MB21D2: variants seen among roughly 807,000 people sequenced by gnomAD.
The protein encoded by MB21D2 is nucleotidyltransferase MB21D2.
Under a neutral mutation model 33.3 loss-of-function variants are expected in MB21D2, and 9 were observed. The ratio of observed to expected loss-of-function variants is 0.27; its 90% CI spans 0.16 to 0.47. MB21D2 has a LOEUF of 0.47. Ranked by LOEUF, MB21D2 falls within the 20% of genes least tolerant of loss-of-function variation. The pLI is 0.99. For synonymous variants in MB21D2, 241 were observed against 236.3 expected, an observed-to-expected ratio of 1.02 and a Z score of -0.18; for missense variants, 540 against 624.6, an observed-to-expected ratio of 0.86 and a Z score of 1.44.
chr3:192,855,380 AG>A (rs1343825756), intron 1 of MB21D2, among the ~76,000 whole-genome samples: 2 of 152,216 alleles, frequency 1.3e-5, no homozygotes, highest in African/African-American at 4.8e-5. Flanking sequence ...TACAGGTGTG[AG>A]CCACTGTGCC....
At chr3:192,868,951 C>T (rs954883968) in intron 1 of MB21D2, among the ~76,000 whole-genome samples, 6 of 152,080 alleles carry the variant, frequency 3.9e-5, no homozygotes, top group African/African-American at 1.4e-4. Flanking sequence ...TGAAATAATA[C>T]ATTAAGTAAT....
Position 192,798,385 on chromosome 3 carries a change from C to T in MB21D2, c.*1G>A, listed in dbSNP as rs1307716822. ...CAGGAAAAAAAAAAGTCAGCTAACA[C>T]TCAGAAAAATTTGTCATCAATTCTG... On this transcript the variant is annotated 3_prime_UTR_variant, in exon 2 of 2. Transcript: ENST00000392452. This position sits in a 1 kb window ranked among gnomAD's most constrained non-coding sequence, Gnocchi z 4.8. The T allele has an allele frequency of 1.9e-6, 3 of 1,612,590 alleles. No individual in the cohort carries two copies. The highest frequency in any genetic ancestry group is 2.2e-5 in the East Asian group (1 of 44,872).
At chr3:192,915,977 CAACTT>C (rs1236386481) in intron 1 of MB21D2, among the ~76,000 whole-genome samples, 3 of 152,200 alleles carry the variant, frequency 2.0e-5, no homozygotes, top group Admixed American at 1.3e-4. Flanking sequence ...ATTAACTAAA[CAACTT>C]AAGTAACTGC....
chr3:192,885,056 A>G (rs1177886581), intron 1 of MB21D2, among the ~76,000 whole-genome samples: 1 of 152,128 alleles, frequency 6.6e-6, no homozygotes, highest in African/African-American at 2.4e-5. Flanking sequence ...AGAGCAATAA[A>G]TATGACTAAG....
chr3:192,910,490 C>T (rs1714330410), intron 1 of MB21D2, among the ~76,000 whole-genome samples: 1 of 151,850 alleles, frequency 6.6e-6, no homozygotes, highest in Non-Finnish European at 1.5e-5. Context: ...TACATATATA[C>T]ATAAATAACA....
chr3:192,850,878 C>T (rs572568448), intron 1 of MB21D2, among the ~76,000 whole-genome samples: 2 of 152,348 alleles, frequency 1.3e-5, no homozygotes, highest in East Asian at 3.8e-4. Flanking sequence ...CCCACGTTTA[C>T]ACTCATTTTT....
intron 1 of MB21D2, among the ~76,000 whole-genome samples, chr3:192,891,918 T>C (rs192639863): frequency 2.6e-5 from 4 of 152,210 alleles, no homozygotes; most frequent in Admixed American, 6.5e-5. Flanking sequence ...ATTCCGATGG[T>C]TGATTCGACT....
rs148643602 is a variant in MB21D2, at chr3:192,812,477, G to T, written c.212-12827C>A. 1.4e-4 allele frequency among the ~76,000 whole-genome samples: 21 copies of T among 152,286 alleles called. No homozygotes were observed. The East Asian group carries it at 4.1e-3, about 29-fold the overall frequency. ...GCTGAATCAGTAAATAGATGGTGGA[G>T]CCTAATGACAAAGTTTTCTGAAATA... On this transcript the variant is annotated intron_variant, in intron 1 of 1. Coordinates refer to ENST00000392452, the MANE Select transcript of MB21D2 (RefSeq NM_178496.4).
intron 1 of MB21D2, among the ~76,000 whole-genome samples, chr3:192,810,881 T>TTGTG (rs35591932): frequency 6.9e-4 from 104 of 151,570 alleles, no homozygotes; most frequent in African/African-American, 2.2e-3. Context: ...ATGAGTATGC[T>TTGTG]TGTGTGTGTG....
At chr3:192,822,152 C>T (rs1422211176) in intron 1 of MB21D2, among the ~76,000 whole-genome samples, 1 of 138,274 alleles carries the variant, frequency 7.2e-6, no homozygotes, top group Non-Finnish European at 1.5e-5. Context: ...TTAAATGTGC[C>T]ACAAACAAGC....
intron 1 of MB21D2, among the ~76,000 whole-genome samples, chr3:192,835,154 A>AAC (rs201076326): frequency 0.44 from 41,266 of 94,210 alleles, 6,657 homozygotes; most frequent in East Asian, 0.64. Flanking sequence ...AAGTGTCTTT[A>AAC]AAAAAAAAAA....
At chr3:192,864,726 C>A (rs553725383) in intron 1 of MB21D2, among the ~76,000 whole-genome samples, 13 of 152,212 alleles carry the variant, frequency 8.5e-5, no homozygotes, top group Middle Eastern at 3.4e-3. Flanking sequence ...AGGCTGGTCT[C>A]GGACTCCTAA....
intron 1 of MB21D2, among the ~76,000 whole-genome samples, chr3:192,850,430 C>G (rs1577183025): frequency 1.3e-5 from 2 of 152,194 alleles, no homozygotes; most frequent in Non-Finnish European, 1.5e-5. Flanking sequence ...AGGTTCGAGG[C>G]TCTCAACTCT....
At chr3:192,873,341 T>A (rs528042493) in intron 1 of MB21D2, among the ~76,000 whole-genome samples, 1 of 152,276 alleles carries the variant, frequency 6.6e-6, no homozygotes, top group South Asian at 2.1e-4. Flanking sequence ...CCCAGCTTCA[T>A]CATAGCACAC....
At chr3:192,894,196 T>C (rs1713916250) in intron 1 of MB21D2, among the ~76,000 whole-genome samples, 1 of 152,062 alleles carries the variant, frequency 6.6e-6, no homozygotes, top group Non-Finnish European at 1.5e-5. Context: ...TGGCGCAATC[T>C]GGACTCAAAA....
At chr3:192,826,170 T>C (rs535779095) in intron 1 of MB21D2, among the ~76,000 whole-genome samples, 2 of 152,220 alleles carry the variant, frequency 1.3e-5, no homozygotes, top group Non-Finnish European at 2.9e-5. Flanking sequence ...TGCTTTTTTC[T>C]CCCCATACAG....
intron 1 of MB21D2, among the ~76,000 whole-genome samples, chr3:192,909,697 G>A (rs776700250): frequency 1.1e-4 from 16 of 152,062 alleles, no homozygotes; most frequent in Non-Finnish European, 1.6e-4. Flanking sequence ...TTGGAAGGCC[G>A]AGGTGGGTGC....
intron 1 of MB21D2, among the ~76,000 whole-genome samples, chr3:192,811,733 T>C (rs776374766): frequency 6.6e-6 from 1 of 152,198 alleles, no homozygotes; most frequent in Non-Finnish European, 1.5e-5. Flanking sequence ...ATTTTTCAGA[T>C]ACAGGCATTT....
intron 1 of MB21D2, among the ~76,000 whole-genome samples, chr3:192,897,853 G>A (rs1161548199): frequency 6.6e-6 from 1 of 152,056 alleles, no homozygotes; most frequent in African/African-American, 2.4e-5. Context: ...TTAGCTGAGA[G>A]GGCATGTAGT....
Sources: gnomAD v4.1 joint callset for allele counts (sites outside exome capture counted in the v4.1 genomes callset) on GRCh38, gnomAD v4.1.1 for gene constraint, Gnocchi (gnomAD v3.1) non-coding constraint, MANE v1.5 for transcripts, NCBI Gene and HGNC (gene_info 2026-07-23, HGNC 2026-07-21) for gene names.